DNM3: variants seen among roughly 807,000 people sequenced by gnomAD.
DNM3 encodes dynamin 3.
DNM3 carries 47 observed loss-of-function variants against 101.6 expected under a neutral mutation model. That is an observed-to-expected ratio of 0.46 (90% CI 0.37 to 0.59). The LOEUF is 0.59. DNM3 is among the 20% of genes least tolerant of loss of function. The pLI, the probability that DNM3 is intolerant of heterozygous loss-of-function variation, is 0.00. For synonymous variants in DNM3, 385 were observed against 387.9 expected, an observed-to-expected ratio of 0.99 and a Z score of 0.09; for missense variants, 849 against 1,085.7, an observed-to-expected ratio of 0.78 and a Z score of 3.06.
At chr1:171,920,934 C>T (rs922187142) in intron 1 of DNM3, among the ~76,000 whole-genome samples, 32 of 151,540 alleles carry the variant, frequency 2.1e-4, no homozygotes, top group Non-Finnish European at 4.4e-4. Flanking sequence ...TTTATGTGTC[C>T]TTTTTTTTAG....
intron 12 of DNM3, among the ~76,000 whole-genome samples, chr1:172,084,344 A>T (rs2053379674): frequency 6.6e-6 from 1 of 152,172 alleles, no homozygotes. Context: ...ACACACACAT[A>T]CACTCACATT....
At chr1:171,992,691 G>A (rs1463011348) in intron 4 of DNM3, among the ~76,000 whole-genome samples, 2 of 152,006 alleles carry the variant, frequency 1.3e-5, no homozygotes, top group South Asian at 2.1e-4. Flanking sequence ...CCCAAGAGGA[G>A]ACTTTTGAAA....
chr1:172,227,382 T>C (rs1222609267), intron 14 of DNM3, among the ~76,000 whole-genome samples: 1 of 150,816 alleles, frequency 6.6e-6, no homozygotes, highest in Non-Finnish European at 1.5e-5. Context: ...AATTATGCTA[T>C]GATAAACATA....
In DNM3 at chr1:172,410,723, CA is replaced by C; in HGVS notation, c.*2884del. 6.1e-6 allele frequency: 6 copies of C among 985,214 alleles called. No homozygotes were observed. Among genetic ancestry groups the C allele is most frequent in the Non-Finnish European group, 7.2e-6 (6 of 829,804 alleles). 61.0% of individuals were successfully genotyped at this position (985,214 alleles called of 1,614,324 possible). ...TTATTAGCAAATTTCCTATTTGTTC[CA>C]ATACAAACTCACTTTATTCTAAAGT... is the stretch of plus-strand genomic sequence containing the variant. On this transcript the variant is annotated 3_prime_UTR_variant, in exon 21 of 21. Coordinates refer to ENST00000627582, the MANE Select transcript of DNM3 (RefSeq NM_015569.5).
chr1:172,335,868 A>G (rs758711052), intron 17 of DNM3, among the ~76,000 whole-genome samples: 2 of 152,142 alleles, frequency 1.3e-5, no homozygotes, highest in Non-Finnish European at 2.9e-5. Flanking sequence ...TGACAGGATC[A>G]TTTGGACCCC....
chr1:171,993,781 T>C (rs555928811), intron 4 of DNM3, among the ~76,000 whole-genome samples: 48 of 152,210 alleles, frequency 3.2e-4, no homozygotes, highest in African/African-American at 1.1e-3. Context: ...CTTCATTCTT[T>C]CTTTTGTCTT....
chr1:171,880,345 G>A (rs1313631959), intron 1 of DNM3, among the ~76,000 whole-genome samples: 1 of 152,180 alleles, frequency 6.6e-6, no homozygotes, highest in Non-Finnish European at 1.5e-5. Flanking sequence ...GTGCCAGGTG[G>A]AATGATTCAG....
chr1:172,166,088 A>G (rs2058733864), intron 14 of DNM3, among the ~76,000 whole-genome samples: 1 of 151,998 alleles, frequency 6.6e-6, no homozygotes, highest in Non-Finnish European at 1.5e-5. Context: ...GGGGTATTGC[A>G]CCATATGGTT....
At chr1:172,023,679 C>A (rs2047996813) in intron 4 of DNM3, among the ~76,000 whole-genome samples, 1 of 152,070 alleles carries the variant, frequency 6.6e-6, no homozygotes, top group East Asian at 1.9e-4. Context: ...CTGTTTGGCA[C>A]TTGTTGAGTT....
intron 14 of DNM3, among the ~76,000 whole-genome samples, chr1:172,210,531 C>G (rs2060479497): frequency 6.6e-6 from 1 of 151,824 alleles, no homozygotes; most frequent in Non-Finnish European, 1.5e-5. Context: ...TGAGCTGGAA[C>G]TTAAGATGCC....
rs1465601400 is a variant in DNM3, at chr1:172,407,952, A to C, written c.*111A>C. ...TCGCATGTGTGGACATCAGTAGGCA[A>C]GTAACCAGTTTTACTAATGCATTCA... On this transcript the variant is annotated 3_prime_UTR_variant, in exon 21 of 21. Transcript: ENST00000627582. The C allele has an allele frequency of 6.3e-7, 1 of 1,582,628 alleles. No individual in the cohort carries two copies. The highest frequency in any genetic ancestry group is 2.3e-5 in the East Asian group (1 of 44,264).
chr1:172,302,739 G>A (rs1158547719), intron 15 of DNM3, among the ~76,000 whole-genome samples: 1 of 152,152 alleles, frequency 6.6e-6, no homozygotes, highest in East Asian at 1.9e-4. Context: ...GGCAAACAGG[G>A]TCTGGAGTGG....
chr1:172,052,490 C>T (rs866208572), intron 10 of DNM3, among the ~76,000 whole-genome samples: 1 of 152,260 alleles, frequency 6.6e-6, no homozygotes, highest in East Asian at 1.9e-4. Flanking sequence ...GTAGTTTATG[C>T]TTTGCATCTT....
At position 172,093,872 on chromosome 1, in the gene DNM3, G is replaced by A. The variant is rs937301053; in HGVS notation, c.1545+997G>A. 1.2e-5 allele frequency: 8 copies of A among 671,744 alleles called. No homozygotes were observed. The African/African-American group carries it at 1.5e-4, about 12-fold the overall frequency. The allele number at this position is 671,744 out of a possible 1,614,324, so 41.6% of individuals were successfully genotyped here. On this transcript the variant is annotated intron_variant, in intron 13 of 20. Coordinates refer to ENST00000627582, the MANE Select transcript of DNM3 (RefSeq NM_015569.5). ...GTCTTGTCCGTAACACCCTATCATT[G>A]AAATAAAAATCCTCTTAAGAGGGTT...
At chr1:172,054,549 G>T (rs1435322726) in intron 10 of DNM3, among the ~76,000 whole-genome samples, 1 of 151,826 alleles carries the variant, frequency 6.6e-6, no homozygotes, top group African/African-American at 2.4e-5. Flanking sequence ...CCATTTACTG[G>T]CCTCTTGGGA....
chr1:171,957,321 C>T (rs1483307729), intron 2 of DNM3, among the ~76,000 whole-genome samples: 2 of 151,860 alleles, frequency 1.3e-5, no homozygotes, highest in African/African-American at 4.8e-5. Flanking sequence ...CTTCAGCCTC[C>T]TGAGTAGCTG....
intron 14 of DNM3, among the ~76,000 whole-genome samples, chr1:172,152,408 A>C (rs778900262): frequency 5.9e-5 from 9 of 151,966 alleles, no homozygotes; most frequent in Non-Finnish European, 1.0e-4. Context: ...TTTTCCAGTA[A>C]ATTTTGCCCT....
chr1:171,911,015 A>G (rs2039250074), intron 1 of DNM3, among the ~76,000 whole-genome samples: 1 of 152,180 alleles, frequency 6.6e-6, no homozygotes, highest in South Asian at 2.1e-4. Context: ...GTGTGAAATT[A>G]GTGTAGAATC....
intron 2 of DNM3, among the ~76,000 whole-genome samples, chr1:171,957,618 G>A (rs2042950456): frequency 6.6e-6 from 1 of 152,062 alleles, no homozygotes; most frequent in South Asian, 2.1e-4. Context: ...ATGCTTTACT[G>A]CTTAGAAATT....
Sources: allele counts gnomAD v4.1 joint callset (sites outside exome capture counted in the v4.1 genomes callset), GRCh38; gene constraint gnomAD v4.1.1; transcripts MANE v1.5; gene names NCBI Gene and HGNC (gene_info 2026-07-23, HGNC 2026-07-21).